The following RASGEF1B variants were observed in gnomAD, a reference collection of about 807,000 sequenced individuals.
RASGEF1B encodes the protein ras-GEF domain-containing family member 1B.
RASGEF1B carries 30 observed loss-of-function variants against 65.7 expected under a neutral mutation model. The observed-to-expected ratio is 0.46, with a 90% CI of 0.34 to 0.62. The LOEUF is 0.62. RASGEF1B is among the 20% of genes least tolerant of loss of function. The pLI, the probability that RASGEF1B is intolerant of heterozygous loss-of-function variation, is 0.01. For synonymous variants in RASGEF1B, 175 were observed against 194.8 expected (o/e 0.90, Z 0.85); for missense variants, 495 against 580.1 (o/e 0.85, Z 1.51).
In RASGEF1B at chr4:81,427,691, G is replaced by A; in HGVS notation, c.*77C>T. On this transcript the variant is annotated 3_prime_UTR_variant, in exon 14 of 14. Transcript: ENST00000264400. ...GTCTTCATGAGTGTTCGTGGTACGA[G>A]ATGCCAGAAAACAAAGGCCAGCCCC... 6.4e-7 allele frequency: 1 copy of A among 1,564,492 alleles called. No homozygotes were observed. Among genetic ancestry groups the A allele is most frequent in the Non-Finnish European group, 8.8e-7 (1 of 1,141,006 alleles).
chr4:81,434,083 T>C, intron 11 of RASGEF1B, 120 bp from the exon 12 acceptor site: 1 of 865,292 alleles, frequency 1.2e-6, no homozygotes, highest in Non-Finnish European at 1.8e-6. Context: ...AGGGTTTCAC[T>C]CTGTCACCAA....
At chr4:81,446,310 T>C (rs943680348) in intron 6 of RASGEF1B, among the ~76,000 whole-genome samples, 2 of 151,986 alleles carry the variant, frequency 1.3e-5, no homozygotes, top group African/African-American at 4.8e-5. Flanking sequence ...CGGGAGGAGG[T>C]TGTAGTGAAC....
Position 81,445,788 on chromosome 4 carries a change from T to A in RASGEF1B, c.780A>T (p.Glu260Asp). ...CCAAGTAGCTGAGGCGATTAAACCA[T>A]TCCACGTAAGCTTCTAAGTTTCGTG... The part of the protein sequence containing the change: ...KKTRNLEAYV[E>D]WFNRLSYLVA... Residue 260 changes from glutamate to aspartate, a missense_variant, in exon 7 of 14, where the codon GAA becomes GAT. Coordinates refer to ENST00000264400, the MANE Select transcript of RASGEF1B (RefSeq NM_152545.3). 1 of 1,614,112 alleles carries A rather than the reference T, an allele frequency of 6.2e-7. No homozygotes were observed. The highest frequency in any genetic ancestry group is 8.5e-7 in the Non-Finnish European group (1 of 1,179,996).
At chr4:81,458,931 T>A (rs1722544366) in intron 2 of RASGEF1B, 1 of 156,388 alleles carries the variant, frequency 6.4e-6, no homozygotes, top group African/African-American at 2.4e-5. Context: ...CTCTTCCATA[T>A]ACTTTCCTTG....
intron 13 of RASGEF1B, among the ~76,000 whole-genome samples, chr4:81,428,152 C>T (rs940403708): frequency 1.3e-5 from 2 of 152,184 alleles, no homozygotes; most frequent in Admixed American, 1.3e-4. Context: ...AGCATCTTCA[C>T]AACACATTCC....
At chr4:81,459,573 G>C in intron 1 of RASGEF1B, 59 bp from the exon 2 acceptor site, 6 of 1,325,198 alleles carry the variant, frequency 4.5e-6, no homozygotes, top group Non-Finnish European at 6.2e-6. Flanking sequence ...TGAAAATAAA[G>C]GTAAGCTTTA....
chr4:81,439,326 A>G (rs1027050339), intron 10 of RASGEF1B, among the ~76,000 whole-genome samples: 49 of 152,216 alleles, frequency 3.2e-4, no homozygotes, highest in African/African-American at 1.0e-3. Context: ...ACAGAGTACA[A>G]TTTATATGTT....
chr4:81,450,328 T>TCTA (rs989322348), intron 4 of RASGEF1B, among the ~76,000 whole-genome samples: 1 of 152,082 alleles, frequency 6.6e-6, no homozygotes, highest in African/African-American at 2.4e-5. Flanking sequence ...GACAACATAG[T>TCTA]GAGACCCTGT....
In RASGEF1B at chr4:81,435,149, C is replaced by T. The variant is rs550379044; in HGVS notation, c.1105-415G>A. 1.3e-3 allele frequency among the ~76,000 whole-genome samples: 201 copies of T among 152,154 alleles called. 1 individual carries two copies. Among genetic ancestry groups the T allele is most frequent in the African/African-American group, 4.5e-3 (187 of 41,540 alleles). ...TCATTGGGCCGGGCACGGTGGCTCA[C>T]GCCTGTAATCCCAGCACTTTGGGAG... On this transcript the variant is annotated intron_variant, in intron 10 of 13. Coordinates refer to ENST00000264400, the MANE Select transcript of RASGEF1B (RefSeq NM_152545.3).
intron 2 of RASGEF1B, 53 bp downstream of exon 2, chr4:81,459,279 T>C (rs1429668204): frequency 8.7e-6 from 12 of 1,380,498 alleles, no homozygotes; most frequent in Non-Finnish European, 1.2e-5. Context: ...CCTACTGTAC[T>C]GCAATTTCTA....
chr4:81,431,695 G>C (rs1721432637), intron 13 of RASGEF1B, among the ~76,000 whole-genome samples: 1 of 152,056 alleles, frequency 6.6e-6, no homozygotes, highest in African/African-American at 2.4e-5. Flanking sequence ...ATGATAACAA[G>C]TTTGATTATA....
Position 81,456,767 on chromosome 4 carries a change from G to A in RASGEF1B, c.322C>T (p.Pro108Ser), listed in dbSNP as rs1309365266. The A allele has an allele frequency of 6.2e-7, 1 of 1,611,724 alleles. No individual in the cohort carries two copies. The highest frequency in any genetic ancestry group is 1.7e-5 in the Admixed American group (1 of 59,542). ...SDKNQMRKIA[P>S]KILQLLTEWT... is the part of the protein sequence containing the mutation. Reference sequence around the variant, plus strand: ...TCCGTGAGGAGTTGAAGGATTTTGGGTGCAATTTTTCTCATCTGGTTCTAG... The same window carrying A: ...TCCGTGAGGAGTTGAAGGATTTTGGATGCAATTTTTCTCATCTGGTTCTAG... The change falls in exon 4 of 14, where the codon CCC becomes TCC. Residue 108 changes from proline to serine, a missense_variant. Physicochemically the swap from Pro to Ser is moderately conservative, Grantham distance 74. Transcript: ENST00000264400.
In RASGEF1B at chr4:81,448,131, C is replaced by T; in HGVS notation, c.592G>A (p.Asp198Asn). ...GGGTCGTTGCAGACAGTAATGATAT[C>T]CCTTTGTATAGACTGTGGCTTGGTC... ...LKTKPQSIQR[D>N]IITVCNDPYT... Residue 198 changes from aspartate (D) to asparagine (N), a missense_variant, in exon 5 of 14, where the codon GAT becomes AAT. Asp to Asn is a conservative substitution (Grantham distance 23). Transcript: ENST00000264400. 3 of 1,614,148 alleles carry T rather than the reference C, an allele frequency of 1.9e-6. No individual in the cohort carries two copies. Among genetic ancestry groups the T allele is most frequent in the Non-Finnish European group, 2.5e-6 (3 of 1,180,026 alleles).
At chr4:81,448,324 T>C in intron 4 of RASGEF1B, 40 bp from the exon 5 acceptor site, 18 of 1,563,276 alleles carry the variant, frequency 1.2e-5, no homozygotes, top group Non-Finnish European at 1.6e-5. Context: ...ACTCTGCGTG[T>C]CTGGTTTTGC....
intron 9 of RASGEF1B, 66 bp downstream of exon 9, chr4:81,442,231 A>T (rs1721863927): frequency 9.7e-7 from 1 of 1,034,188 alleles, no homozygotes; most frequent in Admixed American, 1.7e-5. Context: ...AGGCAAGACC[A>T]CATAAAGGAA....
chr4:81,447,529 T>C lies in RASGEF1B; in HGVS notation c.704A>G (p.Gln235Arg), dbSNP rs1262856500. The change falls in exon 6 of 14, where the codon CAG becomes CGG. Residue 235 changes from glutamine to arginine, a missense_variant. By Grantham distance (43) the Gln-to-Arg change is conservative. Transcript: ENST00000264400. ...GPEEFVQAFV[Q>R]KDPLDNDKSC... The stretch of plus-strand genomic sequence containing the variant: ...CTTGTCATTATCCAAAGGGTCCTTC[T>C]GCACGAACGCCTGAACAAATTCTTC... The C allele has an allele frequency of 1.2e-6, 2 of 1,613,978 alleles. No homozygotes were observed. Among genetic ancestry groups the C allele is most frequent in the Non-Finnish European group, 8.5e-7 (1 of 1,179,982 alleles).
intron 1 of RASGEF1B, among the ~76,000 whole-genome samples, chr4:81,466,772 A>AG: frequency 8.8e-6 from 1 of 113,496 alleles, no homozygotes; most frequent in East Asian, 3.2e-4. Context: ...AAAAAAAAAA[A>AG]AGAAAGAAAG....
intron 4 of RASGEF1B, 51 bp from the exon 5 acceptor site, chr4:81,448,335 C>CTAGTGGCAAA: frequency 6.7e-7 from 1 of 1,495,796 alleles, no homozygotes; most frequent in Non-Finnish European, 9.3e-7. Flanking sequence ...CTGGTTTTGC[C>CTAGTGGCAAA]ACTAGGCAAA....
chr4:81,445,003 C>A (rs1721969308), intron 8 of RASGEF1B, among the ~76,000 whole-genome samples: 1 of 152,068 alleles, frequency 6.6e-6, no homozygotes, highest in Non-Finnish European at 1.5e-5. Context: ...CATATTGTTA[C>A]CATACATATT....
Sources: gnomAD v4.1 joint callset for allele counts (sites outside exome capture counted in the v4.1 genomes callset) on GRCh38, gnomAD v4.1.1 for gene constraint, MANE v1.5 for transcripts, NCBI Gene and HGNC (gene_info 2026-07-23, HGNC 2026-07-21) for gene names.